CFAP92: variants seen among roughly 807,000 people sequenced by gnomAD.
CFAP92 encodes the protein cilia and flagella associated protein 92 (putative).
A neutral mutation model predicts 106.3 loss-of-function variants in CFAP92; 86 were observed. That is an observed-to-expected ratio of 0.81 (90% CI 0.68 to 0.97). The LOEUF (loss-of-function observed/expected upper bound fraction) is 0.97, where lower values mean the gene tolerates loss of function less well. Ranked by LOEUF, CFAP92 falls within the 50% of genes least tolerant of loss-of-function variation. CFAP92 has a pLI of 0.00. For missense variants in CFAP92, 1,204 were observed against 1,283.8 expected (o/e 0.94, Z 0.95); for synonymous variants, 477 against 506.4 (o/e 0.94, Z 0.78).
chr3:128,916,756 G>C (rs1481777823), intron 12 of CFAP92, among the ~76,000 whole-genome samples: 1 of 152,188 alleles, frequency 6.6e-6, no homozygotes, highest in Non-Finnish European at 1.5e-5. Context: ...AAGATGGTCT[G>C]TTGGCTTCCT....
chr3:128,971,824 C>T (rs1942818890), intron 7 of CFAP92, among the ~76,000 whole-genome samples: 1 of 152,112 alleles, frequency 6.6e-6, no homozygotes, highest in Admixed American at 6.5e-5. Context: ...CAAAAGCCCA[C>T]AGTCTGAGCC....
chr3:129,013,794 G>A, the CFAP92 span, among the ~76,000 whole-genome samples: 1 of 152,236 alleles, frequency 6.6e-6, no homozygotes, highest in Non-Finnish European at 1.5e-5. Flanking sequence ...CAAGAGAAAT[G>A]GAGGAGTCTG....
rs1417099397 is a variant in CFAP92 at position 128,945,253 on chromosome 3, G to A, written c.2076C>T (p.Ser692=). ...TCTGCTGCAGGGTCCTGACAGGGTAGGAGTCCAGGCCGAGGGCCTTAGCGT... is the reference window on the plus strand; with the variant it reads ...TCTGCTGCAGGGTCCTGACAGGGTAAGAGTCCAGGCCGAGGGCCTTAGCGT... ...MINAKALGLD[S]YPVRTLQQIL... Residue 692 remains serine (S), a synonymous_variant, in exon 10 of 16, where the codon TCC becomes TCT. Coordinates refer to ENST00000645291, the MANE Select transcript of CFAP92 (RefSeq NM_001394090.1). 5.2e-6 allele frequency: 8 copies of A among 1,536,032 alleles called. No individual in the cohort carries two copies. The highest frequency in any genetic ancestry group is 7.0e-6 in the Non-Finnish European group (8 of 1,146,920).
chr3:129,012,684 A>G, the CFAP92 span, among the ~76,000 whole-genome samples: 1 of 152,206 alleles, frequency 6.6e-6, no homozygotes, highest in Non-Finnish European at 1.5e-5. Flanking sequence ...GTGGGCCAAG[A>G]GTTGGGTGGC....
At chr3:129,024,363 C>T in the CFAP92 span, among the ~76,000 whole-genome samples, 1 of 151,928 alleles carries the variant, frequency 6.6e-6, no homozygotes, top group Admixed American at 6.6e-5. Flanking sequence ...AAAACCCTTT[C>T]TCTACTAAAA....
chr3:128,910,903 A>C, intron 15 of CFAP92: 1 of 1,458,000 alleles, frequency 6.9e-7, no homozygotes. Flanking sequence ...TCAAGCTCCC[A>C]GAGCCTGCTA....
In CFAP92 at chr3:128,988,922, G is replaced by T; in HGVS notation, c.263-4C>A. 1 of 1,607,302 alleles carries T rather than the reference G, an allele frequency of 6.2e-7. No homozygotes were observed. The highest frequency in any genetic ancestry group is 8.5e-7 in the Non-Finnish European group (1 of 1,175,120). ...CTTGCATATTTTCCCTTCTGACCTT[G>T]AAGATACAGATTGAAAAAGTCTCGT... On this transcript the variant is annotated splice_polypyrimidine_tract_variant and splice_region_variant and intron_variant, in intron 2 of 15. Transcript: ENST00000645291.
chr3:128,928,685 AGTAAGT>A (rs751447681), intron 12 of CFAP92, among the ~76,000 whole-genome samples: 4 of 152,230 alleles, frequency 2.6e-5, no homozygotes, highest in Non-Finnish European at 4.4e-5. Context: ...GAGAGCTAAG[AGTAAGT>A]GTAAGAGAAA....
chr3:128,910,575 G>C (rs181122186), intron 15 of CFAP92, among the ~76,000 whole-genome samples: 21 of 152,320 alleles, frequency 1.4e-4, no homozygotes, highest in Admixed American at 6.5e-4. Context: ...TTGGGGAAAG[G>C]CTGTTGGATC....
At chr3:128,910,821 G>T in intron 15 of CFAP92, 1 of 1,614,076 alleles carries the variant, frequency 6.2e-7, no homozygotes, top group Non-Finnish European at 8.5e-7. Flanking sequence ...AGTGTGAGTG[G>T]CATGTCTTGG....
chr3:128,928,945 C>T (rs1248619510), intron 12 of CFAP92, among the ~76,000 whole-genome samples: 2 of 152,076 alleles, frequency 1.3e-5, no homozygotes, highest in African/African-American at 2.4e-5. Flanking sequence ...AAAAAGACAA[C>T]TTGATTTTAA....
chr3:128,939,849 C>T (rs62265302), intron 10 of CFAP92, among the ~76,000 whole-genome samples: 7,282 of 152,194 alleles, frequency 0.048, 353 homozygotes, highest in African/African-American at 0.12. Context: ...AAAGTGTTCC[C>T]GCTCCTATGA....
the CFAP92 span, among the ~76,000 whole-genome samples, chr3:129,020,567 G>A: frequency 6.6e-6 from 1 of 152,172 alleles, no homozygotes; most frequent in Non-Finnish European, 1.5e-5. Context: ...AGCCTGGGAG[G>A]TTGAGGCTGC....
At chr3:128,923,390 C>A (rs148025796) in intron 12 of CFAP92, among the ~76,000 whole-genome samples, 2 of 152,314 alleles carry the variant, frequency 1.3e-5, no homozygotes, top group East Asian at 3.9e-4. Context: ...CAGGGTTTTA[C>A]CTTTTGCAGG....
chr3:128,980,511 T>C (rs898926030), intron 4 of CFAP92, among the ~76,000 whole-genome samples: 2 of 152,088 alleles, frequency 1.3e-5, no homozygotes, highest in Non-Finnish European at 2.9e-5. Context: ...CACCATGAAT[T>C]TGCCTGCATT....
intron 7 of CFAP92, among the ~76,000 whole-genome samples, chr3:128,974,328 G>A (rs1943005640): frequency 6.6e-6 from 1 of 152,148 alleles, no homozygotes; most frequent in Non-Finnish European, 1.5e-5. Flanking sequence ...TATACCCACT[G>A]GCTCTAGATT....
chr3:129,004,866 C>T (rs1260935614), upstream of CFAP92, among the ~76,000 whole-genome samples: 3 of 152,102 alleles, frequency 2.0e-5, no homozygotes, highest in Non-Finnish European at 2.9e-5. Flanking sequence ...AGGTTCAAAT[C>T]TTGGCAGGGC....
Position 128,932,697 on chromosome 3 carries a change from C to G in CFAP92, c.2751+3G>C. 3 of 1,528,002 alleles carry G rather than the reference C, an allele frequency of 2.0e-6. No individual in the cohort carries two copies. The Admixed American group carries it at 5.9e-5, about 30-fold the overall frequency. The allele number at this position is 1,528,002 out of a possible 1,614,324, so 94.7% of individuals were successfully genotyped here. A position where few individuals can be genotyped will look rare whatever the true frequency, so the allele number is the denominator to read the frequency against. On this transcript the variant is annotated splice_donor_region_variant and intron_variant, in intron 12 of 15. Transcript: ENST00000645291. ...CCCCAAGTTGGGGAGGAAGGCGGCC[C>G]ACCTGGATGAAACTGTGCTTTTTGT... is the stretch of plus-strand genomic sequence containing the variant.
chr3:129,022,515 G>A, the CFAP92 span, among the ~76,000 whole-genome samples: 1 of 152,298 alleles, frequency 6.6e-6, no homozygotes, highest in South Asian at 2.1e-4. Flanking sequence ...TAAGCCCCTG[G>A]GCTGGCGGCC....
Sources: gnomAD v4.1 joint callset for allele counts (sites outside exome capture counted in the v4.1 genomes callset) on GRCh38, gnomAD v4.1.1 for gene constraint, MANE v1.5 for transcripts, NCBI Gene and HGNC (gene_info 2026-07-23, HGNC 2026-07-21) for gene names.